The following ATP10B variants were observed in gnomAD, a reference collection of about 807,000 sequenced individuals.
The protein encoded by ATP10B is phospholipid-transporting ATPase VB.
ATP10B carries 122 observed loss-of-function variants against 141.2 expected under a neutral mutation model. That is an observed-to-expected ratio of 0.86 (90% CI 0.75 to 1.00). ATP10B has a LOEUF of 1.00. Among genes scored for constraint, ATP10B ranks in the 50% least tolerant of loss-of-function variants. The pLI, the probability that ATP10B is intolerant of heterozygous loss-of-function variation, is 0.00. For missense variants in ATP10B, 1,876 were observed against 1,825.3 expected (o/e 1.03, Z -0.51); for synonymous variants, 685 against 692.0 (o/e 0.99, Z 0.16).
intron 1 of ATP10B, among the ~76,000 whole-genome samples, chr5:160,820,938 T>G (rs79357310): frequency 2.6e-5 from 4 of 152,062 alleles, no homozygotes; most frequent in Non-Finnish European, 5.9e-5. Flanking sequence ...AGGCATCATA[T>G]TGAATTGAGA....
chr5:160,681,419 C>T (rs1288141352), intron 6 of ATP10B, among the ~76,000 whole-genome samples: 1 of 152,208 alleles, frequency 6.6e-6, no homozygotes, highest in Non-Finnish European at 1.5e-5. Context: ...GACTACAGGC[C>T]TCTGCCTCCC....
intron 2 of ATP10B, among the ~76,000 whole-genome samples, chr5:160,739,848 A>G (rs907261447): frequency 3.3e-5 from 5 of 152,048 alleles, no homozygotes; most frequent in African/African-American, 4.8e-5. Flanking sequence ...TTATTATTTT[A>G]TTTTTAGAGA....
intron 14 of ATP10B, among the ~76,000 whole-genome samples, chr5:160,621,458 C>T (rs933173390): frequency 2.0e-5 from 3 of 152,180 alleles, no homozygotes; most frequent in Non-Finnish European, 4.4e-5. Flanking sequence ...CCCACATTAA[C>T]TTGAAAATTG....
At chr5:160,831,517 G>A (rs1174225396) in intron 1 of ATP10B, among the ~76,000 whole-genome samples, 1 of 152,052 alleles carries the variant, frequency 6.6e-6, no homozygotes, top group Non-Finnish European at 1.5e-5. Flanking sequence ...TTTTGGGAAG[G>A]TCAAGTAGGT....
At chr5:160,624,904 A>G (rs1421094695) in intron 13 of ATP10B, among the ~76,000 whole-genome samples, 1 of 152,196 alleles carries the variant, frequency 6.6e-6, no homozygotes, top group African/African-American at 2.4e-5. Context: ...GCAAACTTCT[A>G]AAACCAGATT....
chr5:160,837,117 T>C lies in ATP10B; in HGVS notation c.-576+14824A>G, dbSNP rs116368803. On this transcript the variant is annotated intron_variant, in intron 1 of 25. Transcript: ENST00000327245. ...TCAGTCAGTCCATCATGTTTTCTCA[T>C]CATTGCTGATTACATTTATCCAACA... is the stretch of plus-strand genomic sequence containing the variant. 3.0e-3 allele frequency among the ~76,000 whole-genome samples: 458 copies of C among 152,284 alleles called. 5 individuals carry two copies. The highest frequency in any genetic ancestry group is 0.011 in the African/African-American group (441 of 41,572).
chr5:160,925,903 C>A, the ATP10B span, among the ~76,000 whole-genome samples: 1 of 152,320 alleles, frequency 6.6e-6, no homozygotes, highest in South Asian at 2.1e-4. Context: ...CAAGTACCTT[C>A]ATAGGCCTCA....
At chr5:160,622,373 C>A (rs1758393307) in intron 14 of ATP10B, 21 bp downstream of exon 14, 1 of 1,596,460 alleles carries the variant, frequency 6.3e-7, no homozygotes, top group Non-Finnish European at 8.5e-7. Flanking sequence ...CCCTCCTCCC[C>A]CAGCCATCGC....
chr5:160,705,517 T>A (rs189413296), intron 3 of ATP10B, among the ~76,000 whole-genome samples: 82 of 152,288 alleles, frequency 5.4e-4, no homozygotes, highest in Middle Eastern at 3.4e-3. Flanking sequence ...GATTACAATC[T>A]GCCCAACACT....
At chr5:160,610,271 C>A (rs577383843) in intron 18 of ATP10B, among the ~76,000 whole-genome samples, 2 of 152,320 alleles carry the variant, frequency 1.3e-5, no homozygotes, top group African/African-American at 4.8e-5. Context: ...GGAAAACCAG[C>A]TGCCATGTTG....
At chr5:160,735,565 C>T (rs1222863781) in intron 2 of ATP10B, among the ~76,000 whole-genome samples, 1 of 152,066 alleles carries the variant, frequency 6.6e-6, no homozygotes, top group Non-Finnish European at 1.5e-5. Flanking sequence ...TTCAATACTT[C>T]ACTTTTAGCA....
intron 2 of ATP10B, among the ~76,000 whole-genome samples, chr5:160,777,919 A>G (rs1770450476): frequency 6.6e-6 from 1 of 152,194 alleles, no homozygotes; most frequent in Non-Finnish European, 1.5e-5. Context: ...CACAATCTCT[A>G]AGAAGTAACA....
At chr5:160,855,868 TC>T (rs565397703), upstream of ATP10B, among the ~76,000 whole-genome samples, 140 of 151,966 alleles carry the variant, frequency 9.2e-4, no homozygotes, top group South Asian at 0.018. Context: ...ATTGAATTGT[TC>T]TTGTAACTTT....
chr5:160,662,894 C>G (rs1260766242), intron 7 of ATP10B, among the ~76,000 whole-genome samples: 1 of 152,032 alleles, frequency 6.6e-6, no homozygotes, highest in African/African-American at 2.4e-5. Flanking sequence ...TGCAATCTAC[C>G]CATCTGACAA....
the ATP10B span, among the ~76,000 whole-genome samples, chr5:160,907,344 T>G: frequency 6.6e-6 from 1 of 152,044 alleles, no homozygotes; most frequent in Admixed American, 6.6e-5. Flanking sequence ...TGCCAGGCAA[T>G]GTACTAAACG....
At chr5:160,897,430 C>A in the ATP10B span, among the ~76,000 whole-genome samples, 2 of 152,304 alleles carry the variant, frequency 1.3e-5, no homozygotes, top group East Asian at 1.9e-4. Flanking sequence ...CATGAGTGAA[C>A]TCCCATTCAC....
At chr5:160,915,262 G>T in the ATP10B span, among the ~76,000 whole-genome samples, 2 of 151,884 alleles carry the variant, frequency 1.3e-5, no homozygotes, top group Non-Finnish European at 2.9e-5. Flanking sequence ...ATCTAGGGAA[G>T]GAGAACTCAC....
At chr5:160,650,781 G>T (rs1174506332) in intron 7 of ATP10B, among the ~76,000 whole-genome samples, 2 of 152,158 alleles carry the variant, frequency 1.3e-5, no homozygotes, top group African/African-American at 2.4e-5. Flanking sequence ...GGAAAACTTT[G>T]TAACTTTGAG....
chr5:160,714,923 G>T (rs1015562100), intron 3 of ATP10B, among the ~76,000 whole-genome samples: 8 of 143,414 alleles, frequency 5.6e-5, no homozygotes, highest in African/African-American at 2.1e-4. Flanking sequence ...CAGTTAGGCT[G>T]CTCGGGGGTC....
Sources: allele counts gnomAD v4.1 joint callset (sites outside exome capture counted in the v4.1 genomes callset), GRCh38; gene constraint gnomAD v4.1.1; transcripts MANE v1.5; gene names NCBI Gene and HGNC (gene_info 2026-07-23, HGNC 2026-07-21).